STARD3: variants seen among roughly 807,000 people sequenced by gnomAD.
STARD3 encodes StAR related lipid transfer domain containing 3.
A neutral mutation model predicts 62.0 loss-of-function variants in STARD3; 39 were observed. That is an observed-to-expected ratio of 0.63 (90% CI 0.49 to 0.82). The LOEUF is 0.82. Among genes scored for constraint, STARD3 ranks in the 40% least tolerant of loss-of-function variants. The pLI is 0.00. For synonymous variants in STARD3, 229 were observed against 242.4 expected (o/e 0.94, Z 0.51); for missense variants, 543 against 584.5 (o/e 0.93, Z 0.73).
intron 1 of STARD3, among the ~76,000 whole-genome samples, chr17:39,647,783 A>C (rs2144936492): frequency 6.6e-6 from 1 of 152,204 alleles, no homozygotes; most frequent in Middle Eastern, 3.4e-3. Context: ...TCTGGTTTTT[A>C]TCTGTTTTAT....
chr17:39,647,206 T>TAA (rs35693151), intron 1 of STARD3, among the ~76,000 whole-genome samples: 1 of 140,262 alleles, frequency 7.1e-6, no homozygotes. Context: ...TCAAAAAAGT[T>TAA]AAAAAAAAAA....
chr17:39,643,665 C>T (rs563202737), intron 1 of STARD3, among the ~76,000 whole-genome samples: 3 of 152,328 alleles, frequency 2.0e-5, no homozygotes, highest in African/African-American at 7.2e-5. Context: ...CTTCTACCCT[C>T]TGTGGAGTCT....
intron 13 of STARD3, 71 bp from the exon 14 acceptor site, chr17:39,662,180 G>A: frequency 7.2e-7 from 1 of 1,386,354 alleles, no homozygotes; most frequent in Non-Finnish European, 1.0e-6. Flanking sequence ...AGTGTGAGTG[G>A]TAGGGGCTGC....
At chr17:39,654,068 A>T (rs1567858079) in intron 2 of STARD3, among the ~76,000 whole-genome samples, 1 of 152,018 alleles carries the variant, frequency 6.6e-6, no homozygotes, top group Non-Finnish European at 1.5e-5. Flanking sequence ...AGAGAGGAGG[A>T]GGGGGAGACC....
chr17:39,663,333 C>T lies in STARD3; in HGVS notation c.*425C>T, dbSNP rs2145061277. On this transcript the variant is annotated 3_prime_UTR_variant, in exon 15 of 15. Coordinates refer to ENST00000336308, the MANE Select transcript of STARD3 (RefSeq NM_006804.4). ...GTTTTTTTAGGATTATTGAAAGAGT[C>T]TGGGACCCTTGTTGGGGAGTGGGTG... The T allele has an allele frequency of 2.9e-6, 1 of 345,630 alleles. No homozygotes were observed. The highest frequency in any genetic ancestry group is 2.1e-5 in the African/African-American group (1 of 47,546). The allele number at this position is 345,630 out of a possible 1,614,324, so 21.4% of individuals were successfully genotyped here.
rs1300958477 is a variant in STARD3 at position 39,660,809 on chromosome 17, G to T, written c.955-1G>T. On this transcript the variant is annotated splice_acceptor_variant, in intron 11 of 14. Coordinates refer to ENST00000336308, the MANE Select transcript of STARD3 (RefSeq NM_006804.4). LOFTEE classifies it high-confidence loss of function. This position sits in a 1 kb window ranked among gnomAD's most constrained non-coding sequence, Gnocchi z 4.8. ...CAAAAGTCTCCGTTGACGGCCCTCA[G>T]ATCCTGCAGCGAGTGGAAGACAACA... 6.3e-7 allele frequency: 1 copy of T among 1,579,818 alleles called. No individual in the cohort carries two copies. The highest frequency in any genetic ancestry group is 8.6e-7 in the Non-Finnish European group (1 of 1,162,816).
In STARD3 at chr17:39,660,560, A is replaced by T; in HGVS notation, c.954+34A>T. ...AGTCTGGCTGCCTCTTAAGGCACAG[A>T]TGGGGGCACAGCCACGCCTCAGTGG... On this transcript the variant is annotated intron_variant, in intron 11 of 14. Coordinates refer to ENST00000336308, the MANE Select transcript of STARD3 (RefSeq NM_006804.4). This position sits in a 1 kb window ranked among gnomAD's most constrained non-coding sequence, Gnocchi z 4.8. 1 of 1,608,002 alleles carries T rather than the reference A, an allele frequency of 6.2e-7. No homozygotes were observed. Among genetic ancestry groups the T allele is most frequent in the Non-Finnish European group, 8.5e-7 (1 of 1,175,006 alleles).
chr17:39,659,398 G>T, intron 8 of STARD3, 63 bp from the exon 9 acceptor site: 3 of 1,498,538 alleles, frequency 2.0e-6, no homozygotes, highest in Non-Finnish European at 2.8e-6. Context: ...GAGAGAACAG[G>T]CCACGAACAT....
Position 39,659,076 on chromosome 17 carries a change from A to C in STARD3, c.672A>C (p.Glu224Asp). The change falls in exon 8 of 15, where the codon GAA becomes GAC. Residue 224 changes from glutamate (E) to aspartate (D), a missense_variant. Glu to Asp is a conservative substitution (Grantham distance 45). Coordinates refer to ENST00000336308, the MANE Select transcript of STARD3 (RefSeq NM_006804.4). ...FAGSDNESDE[E>D]VAGKKSFSAQ... is the part of the protein sequence containing the mutation. ...GGTCTGACAATGAATCAGATGAAGA[A>C]GTTGCTGGGAAGAAAAGTTTCTCTG... The C allele has an allele frequency of 6.2e-7, 1 of 1,614,210 alleles. No individual in the cohort carries two copies. The highest frequency in any genetic ancestry group is 8.5e-7 in the Non-Finnish European group (1 of 1,180,034).
chr17:39,650,042 T>C (rs1435272959), intron 1 of STARD3, among the ~76,000 whole-genome samples: 1 of 151,904 alleles, frequency 6.6e-6, no homozygotes, highest in African/African-American at 2.4e-5. Flanking sequence ...GAACACCCCA[T>C]CTCTTAAAAA....
chr17:39,654,115 T>G (rs187484866), intron 2 of STARD3, among the ~76,000 whole-genome samples: 110 of 152,336 alleles, frequency 7.2e-4, no homozygotes, highest in Admixed American at 4.4e-3. Flanking sequence ...TTGTCTTCTT[T>G]CTGCCTGCCA....
intron 1 of STARD3, among the ~76,000 whole-genome samples, chr17:39,638,901 G>A (rs1300039146): frequency 6.6e-6 from 1 of 152,166 alleles, no homozygotes; most frequent in East Asian, 1.9e-4. Flanking sequence ...AGTACTTTGG[G>A]AGGCAAGGCA....
At chr17:39,645,235 C>T (rs763320627) in intron 1 of STARD3, among the ~76,000 whole-genome samples, 1 of 152,162 alleles carries the variant, frequency 6.6e-6, no homozygotes, top group Non-Finnish European at 1.5e-5. Context: ...CAGTCCTCTA[C>T]TTCCTGCCCC....
intron 14 of STARD3, chr17:39,662,571 G>A (rs1438599388): frequency 1.9e-5 from 12 of 629,498 alleles, no homozygotes; most frequent in African/African-American, 5.5e-5. Context: ...AGGCCCTGAG[G>A]AAGGGTGGCT....
rs768630379 is a variant in STARD3, at chr17:39,657,051, A to G, written c.263A>G (p.Gln88Arg). 27 of 1,614,064 alleles carry G rather than the reference A, an allele frequency of 1.7e-5. No homozygotes were observed. Among genetic ancestry groups the G allele is most frequent in the African/African-American group, 2.7e-5 (2 of 74,928 alleles). Reference protein sequence around the residue: ...IRKNLEQEIIQYNFKTSFFDI... With the variant: ...IRKNLEQEIIRYNFKTSFFDI... The stretch of plus-strand genomic sequence containing the variant: ...AAGAACTTGGAGCAGGAGATCATCC[A>G]GTACAACTTTAAAACTTCCTTCTTC... The change falls in exon 3 of 15, where the codon CAG becomes CGG. Residue 88 changes from glutamine (Q) to arginine (R), a missense_variant. Transcript: ENST00000336308.
rs540885612 is a variant in STARD3, at chr17:39,657,497, A to G, written c.298-278A>G. On this transcript the variant is annotated intron_variant, in intron 3 of 14. Transcript: ENST00000336308. ...AGCTGAGACCGTGCCACCGCACTCCAGCCTGGGCGACAGAGCGAGACTCTG... is the reference window on the plus strand; with the variant it reads ...AGCTGAGACCGTGCCACCGCACTCCGGCCTGGGCGACAGAGCGAGACTCTG... Among the ~76,000 whole-genome samples the G allele has an allele frequency of 1.3e-4, 20 of 151,794 alleles. No individual in the cohort carries two copies. In the South Asian group the frequency reaches 4.2e-3, roughly 32 times the overall value.
intron 1 of STARD3, among the ~76,000 whole-genome samples, chr17:39,644,285 T>G (rs2057005501): frequency 6.6e-6 from 1 of 152,094 alleles, no homozygotes; most frequent in Non-Finnish European, 1.5e-5. Flanking sequence ...CTGGAACTTG[T>G]AAAGTTTGGC....
At chr17:39,658,608 G>C in intron 6 of STARD3, 86 bp downstream of exon 6, 1 of 1,568,424 alleles carries the variant, frequency 6.4e-7, no homozygotes, top group Non-Finnish European at 8.8e-7. Context: ...TCAGTCTGAA[G>C]CATCTCGCCA....
At chr17:39,645,257 G>A (rs913061615) in intron 1 of STARD3, among the ~76,000 whole-genome samples, 4 of 152,120 alleles carry the variant, frequency 2.6e-5, no homozygotes, top group Admixed American at 1.3e-4. Flanking sequence ...CCCCCAACCT[G>A]GAATTCACCT....
Sources: allele counts gnomAD v4.1 joint callset (sites outside exome capture counted in the v4.1 genomes callset), GRCh38; gene constraint gnomAD v4.1.1; non-coding constraint Gnocchi (gnomAD v3.1); transcripts MANE v1.5; gene names NCBI Gene and HGNC (gene_info 2026-07-23, HGNC 2026-07-21).